Variants in NRXN3 observed in about 807,000 individuals in gnomAD.
NRXN3 encodes neurexin 3.
A neutral mutation model predicts 137.6 loss-of-function variants in NRXN3; 32 were observed. The ratio of observed to expected loss-of-function variants is 0.23; its 90% CI spans 0.18 to 0.31. The LOEUF is 0.31. Ranked by LOEUF, NRXN3 falls within the 10% of genes least tolerant of loss-of-function variation. The pLI, the probability that NRXN3 is intolerant of heterozygous loss-of-function variation, is 1.00. For missense variants in NRXN3, 1,574 were observed against 2,062.5 expected (o/e 0.76, Z 4.59); for synonymous variants, 798 against 784.5 (o/e 1.02, Z -0.29).
At chr14:78,744,094 T>C (rs2098595506) in intron 8 of NRXN3, among the ~76,000 whole-genome samples, 1 of 152,178 alleles carries the variant, frequency 6.6e-6, no homozygotes, top group South Asian at 2.1e-4. Flanking sequence ...TTGCCCAAAG[T>C]GACTCAGCTG....
At chr14:79,781,143 C>T (rs1398995593) in intron 19 of NRXN3, among the ~76,000 whole-genome samples, 2 of 151,898 alleles carry the variant, frequency 1.3e-5, no homozygotes, top group African/African-American at 4.8e-5. Context: ...ATAGCTTTGT[C>T]TTGTGAGATG....
At chr14:78,193,366 T>C (rs1235337903) in intron 1 of NRXN3, among the ~76,000 whole-genome samples, 1 of 152,054 alleles carries the variant, frequency 6.6e-6, no homozygotes, top group African/African-American at 2.4e-5. Context: ...ACTGTAAGTT[T>C]GGGTAGGGGA....
At chr14:79,433,817 A>C (rs1311560449) in intron 15 of NRXN3, among the ~76,000 whole-genome samples, 1 of 152,206 alleles carries the variant, frequency 6.6e-6, no homozygotes, top group East Asian at 1.9e-4. Flanking sequence ...CGTGCAACAC[A>C]GCTCTTGCCT....
intron 10 of NRXN3, among the ~76,000 whole-genome samples, chr14:78,934,816 G>C (rs1028406718): frequency 6.6e-6 from 1 of 151,918 alleles, no homozygotes; most frequent in East Asian, 1.9e-4. Flanking sequence ...GTTGTGGGGT[G>C]GGGGGAGTGG....
chr14:78,974,641 T>A (rs1210327761), intron 14 of NRXN3, among the ~76,000 whole-genome samples: 1 of 152,250 alleles, frequency 6.6e-6, no homozygotes, highest in East Asian at 1.9e-4. Flanking sequence ...TCCTCCATTC[T>A]TGTAATGACT....
chr14:78,352,295 G>C (rs1299619311), intron 4 of NRXN3, among the ~76,000 whole-genome samples: 1 of 152,066 alleles, frequency 6.6e-6, no homozygotes, highest in Non-Finnish European at 1.5e-5. Flanking sequence ...TCCATCCCTT[G>C]CTCACTAACT....
At chr14:78,172,199 A>G (rs765129883) in intron 1 of NRXN3, among the ~76,000 whole-genome samples, 6 of 152,140 alleles carry the variant, frequency 3.9e-5, no homozygotes, top group Non-Finnish European at 8.8e-5. Context: ...TGAAGGTTCC[A>G]GTGGAAATTT....
At chr14:79,025,881 TTCTA>T (rs2152465186) in intron 15 of NRXN3, among the ~76,000 whole-genome samples, 1 of 152,248 alleles carries the variant, frequency 6.6e-6, no homozygotes, top group African/African-American at 2.4e-5. Context: ...AGCCACTCTC[TTCTA>T]TCTTTCTGTT....
intron 4 of NRXN3, among the ~76,000 whole-genome samples, chr14:78,377,717 T>G (rs2088160398): frequency 6.6e-6 from 1 of 152,204 alleles, no homozygotes; most frequent in South Asian, 2.1e-4. Flanking sequence ...TGGCCTTTCC[T>G]TGGTGTGCCT....
intron 4 of NRXN3, among the ~76,000 whole-genome samples, chr14:78,468,661 T>G (rs984020173): frequency 6.6e-6 from 1 of 152,180 alleles, no homozygotes; most frequent in African/African-American, 2.4e-5. Context: ...TATAGTCTAT[T>G]TCTAGATGAG....
chr14:79,821,150 A>G (rs2099271002), intron 20 of NRXN3, among the ~76,000 whole-genome samples: 2 of 152,234 alleles, frequency 1.3e-5, no homozygotes, highest in Non-Finnish European at 2.9e-5. Flanking sequence ...AGAGATTAAC[A>G]AGAACAAGAG....
intron 19 of NRXN3, among the ~76,000 whole-genome samples, chr14:79,772,363 C>G (rs1039131935): frequency 6.6e-6 from 1 of 152,080 alleles, no homozygotes. Context: ...ATCACACTAC[C>G]TGACTTCAAA....
At chr14:79,707,713 T>C (rs1332954663) in intron 19 of NRXN3, among the ~76,000 whole-genome samples, 1 of 152,190 alleles carries the variant, frequency 6.6e-6, no homozygotes, top group Non-Finnish European at 1.5e-5. Context: ...GCAATTAGCT[T>C]CCTTGGGCCT....
intron 6 of NRXN3, among the ~76,000 whole-genome samples, chr14:78,693,344 C>A (rs1166334468): frequency 6.6e-6 from 1 of 151,774 alleles, no homozygotes; most frequent in African/African-American, 2.4e-5. Flanking sequence ...ACTACCTTCT[C>A]TTAGTTGGAT....
At chr14:79,761,489 C>G (rs1447904289) in intron 19 of NRXN3, among the ~76,000 whole-genome samples, 2 of 151,350 alleles carry the variant, frequency 1.3e-5, no homozygotes, top group African/African-American at 4.9e-5. Context: ...TTCTGTAGAA[C>G]TGGATCTCAT....
chr14:79,414,362 G>A (rs1235039381), intron 15 of NRXN3, among the ~76,000 whole-genome samples: 1 of 152,066 alleles, frequency 6.6e-6, no homozygotes, highest in African/African-American at 2.4e-5. Context: ...GTCAAATAGG[G>A]TGTCTTTTTT....
At chr14:79,423,485 T>C (rs1236346870) in intron 15 of NRXN3, among the ~76,000 whole-genome samples, 1 of 152,226 alleles carries the variant, frequency 6.6e-6, no homozygotes, top group African/African-American at 2.4e-5. Flanking sequence ...TTCAAATGAC[T>C]AGAAGAAGAC....
At chr14:79,581,209 T>G (rs759898604) in intron 16 of NRXN3, among the ~76,000 whole-genome samples, 1 of 152,160 alleles carries the variant, frequency 6.6e-6, no homozygotes, top group African/African-American at 2.4e-5. Flanking sequence ...ATTCCTGATT[T>G]TCCAAGTTAG....
intron 10 of NRXN3, among the ~76,000 whole-genome samples, chr14:78,904,306 G>A (rs969991702): frequency 1.3e-5 from 2 of 152,090 alleles, no homozygotes; most frequent in Admixed American, 1.3e-4. Context: ...AGAGTCCAAG[G>A]ATGCTGCTAA....
Sources: gnomAD v4.1 joint callset for allele counts (sites outside exome capture counted in the v4.1 genomes callset) on GRCh38, gnomAD v4.1.1 for gene constraint, MANE v1.5 for transcripts, NCBI Gene and HGNC (gene_info 2026-07-23, HGNC 2026-07-21) for gene names.